The following NEK10 variants were observed in gnomAD, a reference collection of about 807,000 sequenced individuals.
NEK10 encodes serine/threonine-protein kinase Nek10.
NEK10 carries 122 observed loss-of-function variants against 159.8 expected under a neutral mutation model. The ratio of observed to expected loss-of-function variants is 0.76; its 90% CI spans 0.66 to 0.89. The LOEUF is 0.89. Among genes scored for constraint, NEK10 ranks in the 40% least tolerant of loss-of-function variants. NEK10 has a pLI of 0.00. For missense variants in NEK10, 1,342 were observed against 1,323.1 expected, an observed-to-expected ratio of 1.01 and a Z score of -0.22; for synonymous variants, 466 against 457.1, an observed-to-expected ratio of 1.02 and a Z score of -0.25.
chr3:27,301,955 C>A, intron 12 of NEK10, 120 bp from the exon 13 acceptor site: 1 of 737,454 alleles, frequency 1.4e-6, no homozygotes, highest in Non-Finnish European at 2.2e-6. Context: ...ATTATTGTTT[C>A]ACTTTCCAAT....
intron 35 of NEK10, among the ~76,000 whole-genome samples, chr3:27,115,390 C>A (rs959378940): frequency 6.6e-6 from 1 of 152,126 alleles, no homozygotes; most frequent in Non-Finnish European, 1.5e-5. Context: ...TCTTAGAACA[C>A]CAACGATAGC....
At chr3:27,151,253 C>A (rs112613077) in intron 30 of NEK10, among the ~76,000 whole-genome samples, 15 of 152,096 alleles carry the variant, frequency 9.9e-5, no homozygotes, top group African/African-American at 3.1e-4. Context: ...TCCATTGCAA[C>A]CCCCGCCCCA....
At chr3:27,119,160 C>T (rs1386731466) in intron 33 of NEK10, among the ~76,000 whole-genome samples, 1 of 152,166 alleles carries the variant, frequency 6.6e-6, no homozygotes, top group African/African-American at 2.4e-5. Flanking sequence ...TCACTATAAC[C>T]TTGTGATGCA....
intron 6 of NEK10, among the ~76,000 whole-genome samples, chr3:27,317,267 T>G (rs571363892): frequency 9.4e-4 from 143 of 152,274 alleles, no homozygotes; most frequent in African/African-American, 2.9e-3. Context: ...AAGAAAACCA[T>G]GACTACAAGG....
At chr3:27,321,750 C>T (rs1181744379) in intron 6 of NEK10, among the ~76,000 whole-genome samples, 1 of 152,106 alleles carries the variant, frequency 6.6e-6, no homozygotes, top group Non-Finnish European at 1.5e-5. Context: ...GGGATTGACC[C>T]TGGAGCAGCT....
At position 27,155,014 on chromosome 3, in the gene NEK10, G is replaced by A. The variant is rs572039932; in HGVS notation, c.2869+7687C>T. 1.1e-3 allele frequency among the ~76,000 whole-genome samples: 174 copies of A among 152,224 alleles called. 1 individual carries two copies. Among genetic ancestry groups the A allele is most frequent in the Non-Finnish European group, 1.9e-3 (130 of 68,018 alleles). ...GTAAAGAAGAAGTCAAACTGTCACC[G>A]TTTGCTGTCAATATGATCATTTACC... On this transcript the variant is annotated intron_variant, in intron 30 of 35. Coordinates refer to ENST00000691995, the MANE Select transcript of NEK10 (RefSeq NM_001394966.1).
chr3:27,284,674 C>T lies in NEK10; in HGVS notation c.1942G>A (p.Glu648Lys). 1 of 1,610,382 alleles carries T rather than the reference C, an allele frequency of 6.2e-7. No homozygotes were observed. The highest frequency in any genetic ancestry group is 1.1e-5 in the South Asian group (1 of 91,004). ...LCLALRYLHK[E>K]KRIVHRDLTP... is the part of the protein sequence containing the mutation. ...AGATCTCTATGGACAATCCTCTTCT[C>T]CTTGTGTAAGTATCGAAGAGCTAAG... The change falls in exon 22 of 36, where the codon GAG (glutamate) becomes AAG (lysine). Residue 648 changes from glutamate (E) to lysine (K), a missense_variant. Glu to Lys is a moderately conservative substitution (Grantham distance 56). Coordinates refer to ENST00000691995, the MANE Select transcript of NEK10 (RefSeq NM_001394966.1).
rs570334389 is a variant in NEK10, at chr3:27,119,683, A to G, written c.3190+77T>C. On this transcript the variant is annotated intron_variant, in intron 33 of 35. Coordinates refer to ENST00000691995, the MANE Select transcript of NEK10 (RefSeq NM_001394966.1). The stretch of plus-strand genomic sequence containing the variant: ...TCTATTTAAAAAAAAATTGGAGATA[A>G]TCTTTTAGAAATAGCTGTTGATCCA... 104 of 1,141,302 alleles carry G rather than the reference A, an allele frequency of 9.1e-5. 1 individual carries two copies. The African/African-American group carries it at 1.3e-3, about 15-fold the overall frequency. The allele number at this position is 1,141,302 out of a possible 1,614,324, so 70.7% of individuals were successfully genotyped here. A position where few individuals can be genotyped will look rare whatever the true frequency, so the allele number is the denominator to read the frequency against.
chr3:27,311,082 C>T, intron 8 of NEK10, 66 bp from the exon 9 acceptor site: 1 of 968,418 alleles, frequency 1.0e-6, no homozygotes, highest in Non-Finnish European at 1.7e-6. Flanking sequence ...TCCAGGAGCA[C>T]AGATCTGCAG....
chr3:27,270,604 C>T (rs930190892), intron 22 of NEK10, among the ~76,000 whole-genome samples: 18 of 152,086 alleles, frequency 1.2e-4, no homozygotes, highest in Admixed American at 8.5e-4. Context: ...GCTACTGTGA[C>T]GTCTCACTGA....
At chr3:27,368,502 T>C (rs1373930753) in intron 1 of NEK10, among the ~76,000 whole-genome samples, 1 of 152,140 alleles carries the variant, frequency 6.6e-6, no homozygotes, top group African/African-American at 2.4e-5. Flanking sequence ...CAACACCTAT[T>C]AAGAAGGGAT....
intron 31 of NEK10, among the ~76,000 whole-genome samples, chr3:27,133,132 C>A (rs1942804106): frequency 6.6e-6 from 1 of 152,202 alleles, no homozygotes; most frequent in Non-Finnish European, 1.5e-5. Flanking sequence ...GCATTACCAT[C>A]CTATTCTGAC....
intron 1 of NEK10, among the ~76,000 whole-genome samples, chr3:27,365,391 A>G (rs1011121408): frequency 6.6e-5 from 10 of 152,136 alleles, no homozygotes; most frequent in Non-Finnish European, 1.0e-4. Flanking sequence ...TGTGTCTATC[A>G]TAACTATTTC....
rs992723633 is a variant in NEK10 at position 27,174,899 on chromosome 3, T to G, written c.2506-66A>C. 11 of 1,326,892 alleles carry G rather than the reference T, an allele frequency of 8.3e-6. No homozygotes were observed. In the African/African-American group the frequency reaches 1.0e-4, roughly 12 times the overall value. The allele number at this position is 1,326,892 out of a possible 1,614,324, so 82.2% of individuals were successfully genotyped here. A position where few individuals can be genotyped will look rare whatever the true frequency, so the allele number is the denominator to read the frequency against. On this transcript the variant is annotated intron_variant, in intron 26 of 35. Transcript: ENST00000691995. ...TCCTTCCTTCTATAGGACCTAAATC[T>G]TGTTAGAACATATATTAACTGCTTC...
intron 23 of NEK10, chr3:27,215,086 G>C: frequency 2.0e-6 from 1 of 508,092 alleles, no homozygotes; most frequent in Non-Finnish European, 3.7e-6. Context: ...TGCAAGTCTC[G>C]CGAGCTATTT....
chr3:27,239,090 C>G (rs1954278431), intron 23 of NEK10, among the ~76,000 whole-genome samples: 1 of 152,070 alleles, frequency 6.6e-6, no homozygotes, highest in Non-Finnish European at 1.5e-5. Context: ...ATCAAAGGTA[C>G]TTTCCATTTT....
rs544557474 is a variant in NEK10, at chr3:27,148,493, G to T, written c.2870-6911C>A. On this transcript the variant is annotated intron_variant, in intron 30 of 35. Coordinates refer to ENST00000691995, the MANE Select transcript of NEK10 (RefSeq NM_001394966.1). ...GCAACAGACTCCACATGAACCTAAG[G>T]TCTTTGATATCCAGGTTTCTTCTTC... is the stretch of plus-strand genomic sequence containing the variant. 3.9e-5 allele frequency among the ~76,000 whole-genome samples: 6 copies of T among 152,234 alleles called. No homozygotes were observed. The South Asian group carries it at 1.2e-3, about 32-fold the overall frequency.
chr3:27,185,041 T>C (rs995190612), intron 26 of NEK10, among the ~76,000 whole-genome samples: 2 of 152,230 alleles, frequency 1.3e-5, no homozygotes, highest in Non-Finnish European at 2.9e-5. Context: ...TGAGAATTTA[T>C]GAAAAATATC....
chr3:27,276,172 A>G (rs1459514254), intron 22 of NEK10, among the ~76,000 whole-genome samples: 1 of 151,962 alleles, frequency 6.6e-6, no homozygotes, highest in African/African-American at 2.4e-5. Context: ...CATTTGGTGA[A>G]TAAAAATATT....
Sources: gnomAD v4.1 joint callset for allele counts (sites outside exome capture counted in the v4.1 genomes callset) on GRCh38, gnomAD v4.1.1 for gene constraint, MANE v1.5 for transcripts, NCBI Gene and HGNC (gene_info 2026-07-23, HGNC 2026-07-21) for gene names.